The following INTS10 variants were observed in gnomAD, a reference collection of about 807,000 sequenced individuals.
INTS10 encodes the protein chromosome 8 open reading frame 35.
In INTS10, 44 loss-of-function variants were observed where a neutral mutation model predicts 94.4. The observed-to-expected ratio is 0.47, with a 90% CI of 0.37 to 0.60. INTS10 has a LOEUF of 0.60. Among genes scored for constraint, INTS10 ranks in the 20% least tolerant of loss-of-function variants. The pLI is 0.00. For synonymous variants in INTS10, 341 were observed against 320.7 expected, an observed-to-expected ratio of 1.06 and a Z score of -0.68; for missense variants, 797 against 868.7, an observed-to-expected ratio of 0.92 and a Z score of 1.04.
intron 1 of INTS10, 83 bp downstream of exon 1, chr8:19,817,749 C>G: frequency 1.3e-6 from 2 of 1,508,564 alleles, no homozygotes; most frequent in Admixed American, 2.0e-5. Context: ...CAGAGCTGCG[C>G]CTGCCTGGGG....
chr8:19,841,665 T>C (rs976997593), intron 13 of INTS10, among the ~76,000 whole-genome samples: 3 of 152,116 alleles, frequency 2.0e-5, no homozygotes, highest in African/African-American at 7.2e-5. Context: ...AGGAACACAG[T>C]GCCACGTGCT....
chr8:19,818,116 G>A (rs1389925580), intron 1 of INTS10, 159 bp from the exon 2 acceptor site: 2 of 722,196 alleles, frequency 2.8e-6, no homozygotes, highest in Non-Finnish European at 5.0e-6. Flanking sequence ...CACACTCTAA[G>A]CCCAATGGCA....
chr8:19,824,115 T>C, intron 7 of INTS10, 71 bp downstream of exon 7: 4 of 1,348,580 alleles, frequency 3.0e-6, no homozygotes, highest in Non-Finnish European at 4.1e-6. Context: ...AATCATGCTT[T>C]TTAAATCTGT....
chr8:19,828,123 A>G lies in INTS10; in HGVS notation c.1140+1564A>G, dbSNP rs145857259. On this transcript the variant is annotated intron_variant, in intron 9 of 16. Transcript: ENST00000397977. ...CTGCTTCAGAGGCTGAGATGAGAAG[A>G]TCCCTTGAGCTCAGGAGTTCAAGGT... Among the ~76,000 whole-genome samples, 3 of 152,236 alleles carry G rather than the reference A, an allele frequency of 2.0e-5. No individual in the cohort carries two copies. In the East Asian group the frequency reaches 5.8e-4, roughly 29 times the overall value.
chr8:19,833,066 A>G lies in INTS10; in HGVS notation c.1378-103A>G, dbSNP rs2067361529. The G allele has an allele frequency of 8.5e-6, 8 of 942,876 alleles. No homozygotes were observed. The East Asian group carries it at 1.4e-4, about 17-fold the overall frequency. 58.4% of individuals were successfully genotyped at this position (942,876 alleles called of 1,614,324 possible). On this transcript the variant is annotated intron_variant, in intron 11 of 16. Transcript: ENST00000397977. The stretch of plus-strand genomic sequence containing the variant: ...GATCAAACCAAGCTACCGTCTTTGT[A>G]TAGTTGCTTGCTCGTTGCTTCGTGA...
intron 5 of INTS10, 52 bp downstream of exon 5, chr8:19,822,572 G>T: frequency 8.9e-7 from 1 of 1,123,602 alleles, no homozygotes; most frequent in Non-Finnish European, 1.3e-6. Context: ...ATATGCTGGG[G>T]TAAGTGTTGG....
At position 19,824,147 on chromosome 8, in the gene INTS10, T is replaced by G. The variant is rs2066610825; in HGVS notation, c.836+103T>G. 4.0e-6 allele frequency: 4 copies of G among 995,894 alleles called. No individual in the cohort carries two copies. In the South Asian group the frequency reaches 5.6e-5, roughly 14 times the overall value. 61.7% of individuals were successfully genotyped at this position (995,894 alleles called of 1,614,324 possible). On this transcript the variant is annotated intron_variant, in intron 7 of 16. Coordinates refer to ENST00000397977, the MANE Select transcript of INTS10 (RefSeq NM_018142.4). ...CTGTGTAATGCGTAGGTATAGTTTT[T>G]GGGCAAATTTTGTGACACTCAATGC...
chr8:19,845,678 G>A (rs1235955066), intron 15 of INTS10, 26 bp from the exon 16 acceptor site: 3 of 1,557,310 alleles, frequency 1.9e-6, no homozygotes, highest in African/African-American at 1.4e-5. Context: ...TTTTTTACAT[G>A]TGGTTAACCT....
At position 19,819,612 on chromosome 8, in the gene INTS10, A is replaced by G; in HGVS notation, c.237A>G (p.Glu79=). ...CAGACCAGCCGGTGGTGTGGAGAGA[A>G]ATCAGCATTATTACATCAGCATTAA... is the stretch of plus-strand genomic sequence containing the variant. ...NFPDQPVVWR[E]ISIITSALRN... Residue 79 remains glutamate (E), a synonymous_variant, in exon 3 of 17, where the codon GAA becomes GAG. Transcript: ENST00000397977. The G allele has an allele frequency of 6.2e-7, 1 of 1,613,582 alleles. No homozygotes were observed. Among genetic ancestry groups the G allele is most frequent in the South Asian group, 1.1e-5 (1 of 90,946 alleles).
chr8:19,820,549 A>G, intron 4 of INTS10, 31 bp downstream of exon 4: 1 of 1,587,392 alleles, frequency 6.3e-7, no homozygotes, highest in Non-Finnish European at 8.6e-7. Context: ...TTCTTTTAAT[A>G]TAAAATACAA....
Position 19,846,154 on chromosome 8 carries a change from G to A in INTS10, c.1976+357G>A, listed in dbSNP as rs1259815769. On this transcript the variant is annotated intron_variant, in intron 16 of 16. Coordinates refer to ENST00000397977, the MANE Select transcript of INTS10 (RefSeq NM_018142.4). This position sits in a 1 kb window ranked among gnomAD's most constrained non-coding sequence, Gnocchi z 4.2. ...AACAGTTGTGTGGCCAGGCATGGTG[G>A]CTCACGCCTGTAATCTCAACACTTT... Among the ~76,000 whole-genome samples, 1 of 152,048 alleles carries A rather than the reference G, an allele frequency of 6.6e-6. No homozygotes were observed. Among genetic ancestry groups the A allele is most frequent in the Middle Eastern group, 3.4e-3 (1 of 294 alleles).
At chr8:19,817,725 G>A (rs2066033516) in intron 1 of INTS10, 59 bp downstream of exon 1, 4 of 1,550,576 alleles carry the variant, frequency 2.6e-6, no homozygotes, top group Non-Finnish European at 3.5e-6. Flanking sequence ...CCCGTCGCCC[G>A]GGCTGCCCTG....
At chr8:19,839,799 A>C (rs937897570) in intron 13 of INTS10, among the ~76,000 whole-genome samples, 1 of 152,136 alleles carries the variant, frequency 6.6e-6, no homozygotes, top group African/African-American at 2.4e-5. Context: ...GCAGTGGCTC[A>C]CACCTCTAAT....
At chr8:19,827,826 C>T (rs756888192) in intron 9 of INTS10, among the ~76,000 whole-genome samples, 1 of 152,182 alleles carries the variant, frequency 6.6e-6, no homozygotes, top group Non-Finnish European at 1.5e-5. Flanking sequence ...CAACCTGATG[C>T]AGGTCCAGAC....
At chr8:19,845,677 T>G in intron 15 of INTS10, 27 bp from the exon 16 acceptor site, 2 of 1,541,888 alleles carry the variant, frequency 1.3e-6, no homozygotes, top group Non-Finnish European at 1.8e-6. Flanking sequence ...TTTTTTTACA[T>G]GTGGTTAACC....
Position 19,851,553 on chromosome 8 carries a change from G to A in INTS10, c.1977-96G>A, listed in dbSNP as rs2069034567. 1 of 1,054,656 alleles carries A rather than the reference G, an allele frequency of 9.5e-7. No individual in the cohort carries two copies. Among genetic ancestry groups the A allele is most frequent in the African/African-American group, 1.6e-5 (1 of 63,166 alleles). 65.3% of individuals were successfully genotyped at this position (1,054,656 alleles called of 1,614,324 possible). On this transcript the variant is annotated intron_variant, in intron 16 of 16. Coordinates refer to ENST00000397977, the MANE Select transcript of INTS10 (RefSeq NM_018142.4). The surrounding 1 kb of genome is among the most constrained non-coding windows in gnomAD (Gnocchi z 5.0). ...TTTAAAATATCTGAAATTATACTTA[G>A]ATATGGGGCAGGCTTTATTCCTACC...
rs1590051756 is a variant in INTS10 at position 19,843,594 on chromosome 8, C to G, written c.1720-482C>G. On this transcript the variant is annotated intron_variant, in intron 14 of 16. Transcript: ENST00000397977. The surrounding 1 kb of genome is among the most constrained non-coding windows in gnomAD (Gnocchi z 4.7). Reference sequence around the variant, plus strand: ...TCATTTGAAACAAAAACTGTTTTGACCATTTCTTTAGTTCACACTTCTGCT... The same window carrying G: ...TCATTTGAAACAAAAACTGTTTTGAGCATTTCTTTAGTTCACACTTCTGCT... Among the ~76,000 whole-genome samples, 1 of 152,298 alleles carries G rather than the reference C, an allele frequency of 6.6e-6. No individual in the cohort carries two copies. The highest frequency in any genetic ancestry group is 1.9e-4 in the East Asian group (1 of 5,192).
chr8:19,832,762 G>C (rs546413334), intron 11 of INTS10, among the ~76,000 whole-genome samples: 1 of 152,224 alleles, frequency 6.6e-6, no homozygotes, highest in Non-Finnish European at 1.5e-5. Context: ...ACCTTGAATG[G>C]AGATAGTCGA....
At chr8:19,825,053 T>C in intron 8 of INTS10, 81 bp downstream of exon 8, 19 of 1,175,708 alleles carry the variant, frequency 1.6e-5, no homozygotes, top group Non-Finnish European at 2.3e-5. Context: ...GTTTATCCAG[T>C]ATTGCTGGAT....
Sources: allele counts gnomAD v4.1 joint callset (sites outside exome capture counted in the v4.1 genomes callset), GRCh38; gene constraint gnomAD v4.1.1; non-coding constraint Gnocchi (gnomAD v3.1); transcripts MANE v1.5; gene names NCBI Gene and HGNC (gene_info 2026-07-23, HGNC 2026-07-21).